The following CFAP61 variants were observed in gnomAD, a reference collection of about 807,000 sequenced individuals.
CFAP61 encodes cilia- and flagella-associated protein 61.
Under a neutral mutation model 135.6 loss-of-function variants are expected in CFAP61, and 107 were observed. The observed-to-expected ratio is 0.79, with a 90% CI of 0.67 to 0.93. The LOEUF (loss-of-function observed/expected upper bound fraction) is 0.93, where lower values mean the gene tolerates loss of function less well. Among genes scored for constraint, CFAP61 ranks in the 40% least tolerant of loss-of-function variants. The pLI, the probability that CFAP61 is intolerant of heterozygous loss-of-function variation, is 0.00. For synonymous variants in CFAP61, 575 were observed against 578.5 expected, an observed-to-expected ratio of 0.99 and a Z score of 0.09; for missense variants, 1,507 against 1,556.2, an observed-to-expected ratio of 0.97 and a Z score of 0.53.
At chr20:20,326,807 C>A (rs539826417) in intron 25 of CFAP61, among the ~76,000 whole-genome samples, 1 of 152,020 alleles carries the variant, frequency 6.6e-6, no homozygotes, top group Non-Finnish European at 1.5e-5. Context: ...CTATTCTTTC[C>A]GAATGTATTA....
intron 22 of CFAP61, among the ~76,000 whole-genome samples, chr20:20,285,852 T>G (rs2054546246): frequency 6.7e-6 from 1 of 148,320 alleles, no homozygotes; most frequent in Non-Finnish European, 1.5e-5. Context: ...ACCCGGGAGG[T>G]CAAGGCTGCA....
chr20:20,341,033 G>C (rs1449010525), intron 25 of CFAP61, among the ~76,000 whole-genome samples: 4 of 152,090 alleles, frequency 2.6e-5, no homozygotes, highest in African/African-American at 9.7e-5. Context: ...GGGGGCACCA[G>C]GTTTTTCCTT....
intron 2 of CFAP61, among the ~76,000 whole-genome samples, chr20:20,069,493 T>C (rs914756040): frequency 6.6e-6 from 1 of 152,180 alleles, no homozygotes; most frequent in Non-Finnish European, 1.5e-5. Context: ...TTGGCCAGGC[T>C]GTCTCAAACT....
rs984164890 is a variant in CFAP61 at position 20,298,469 on chromosome 20, A to T, written c.3422+83A>T. ...GAATGAGGGACATGTGTTGTGATGC[A>T]CCCGAGAGCAAAACGGGAATCCCAG... On this transcript the variant is annotated intron_variant, in intron 25 of 26. Transcript: ENST00000245957. 15 of 1,182,538 alleles carry T rather than the reference A, an allele frequency of 1.3e-5. No homozygotes were observed. In the Admixed American group the frequency reaches 2.2e-4, roughly 18 times the overall value. The allele number at this position is 1,182,538 out of a possible 1,614,324, so 73.3% of individuals were successfully genotyped here. A position where few individuals can be genotyped will look rare whatever the true frequency, so the allele number is the denominator to read the frequency against.
chr20:20,200,157 G>T (rs1009101283), intron 17 of CFAP61, among the ~76,000 whole-genome samples: 10 of 152,240 alleles, frequency 6.6e-5, no homozygotes, highest in African/African-American at 2.4e-4. Context: ...TCAGGCTGCT[G>T]TGTCCCAGGA....
intron 21 of CFAP61, among the ~76,000 whole-genome samples, chr20:20,273,806 C>T (rs555268793): frequency 1.7e-4 from 26 of 152,322 alleles, no homozygotes; most frequent in African/African-American, 4.8e-4. Flanking sequence ...AGGTGGAGAC[C>T]GCCCACAGGC....
chr20:20,294,551 C>A (rs1281628446), intron 24 of CFAP61, among the ~76,000 whole-genome samples: 2 of 152,204 alleles, frequency 1.3e-5, no homozygotes, highest in Non-Finnish European at 2.9e-5. Flanking sequence ...GCCCTCATTT[C>A]TGTAAGGCCC....
chr20:20,127,155 C>T (rs1171399723), intron 8 of CFAP61, among the ~76,000 whole-genome samples: 2 of 151,672 alleles, frequency 1.3e-5, no homozygotes, highest in Non-Finnish European at 2.9e-5. Flanking sequence ...TTGCATTGGG[C>T]TTCGCCTTTC....
chr20:20,234,062 C>T (rs1237732403), intron 18 of CFAP61, among the ~76,000 whole-genome samples: 4 of 152,168 alleles, frequency 2.6e-5, no homozygotes, highest in African/African-American at 7.2e-5. Flanking sequence ...GACATTGGTA[C>T]CTGTCTTGGT....
Position 20,298,247 on chromosome 20 carries a change from A to G in CFAP61, c.3283A>G (p.Lys1095Glu). Residue 1095 changes from lysine (K) to glutamate (E), a missense_variant, in exon 25 of 27, where the codon AAA becomes GAA. Physicochemically the swap from Lys to Glu is moderately conservative, Grantham distance 56. Coordinates refer to ENST00000245957, the MANE Select transcript of CFAP61 (RefSeq NM_015585.4). The part of the protein sequence containing the change: ...TYFRIHINKY[K>E]MVETITCLSR... Reference sequence around the variant, plus strand: ...CTTCCGAATTCATATTAACAAGTATAAAATGGTGGAAACCATCACGTGCCT... The same window carrying G: ...CTTCCGAATTCATATTAACAAGTATGAAATGGTGGAAACCATCACGTGCCT... 1.9e-6 allele frequency: 3 copies of G among 1,614,140 alleles called. No individual in the cohort carries two copies. The highest frequency in any genetic ancestry group is 1.1e-5 in the South Asian group (1 of 91,082).
intron 2 of CFAP61, among the ~76,000 whole-genome samples, chr20:20,063,579 TATAAG>T (rs2044990211): frequency 6.6e-6 from 1 of 152,180 alleles, no homozygotes; most frequent in Non-Finnish European, 1.5e-5. Flanking sequence ...CTAATAAGAA[TATAAG>T]ATGACTCTCA....
intron 25 of CFAP61, among the ~76,000 whole-genome samples, chr20:20,326,214 G>A (rs2057742236): frequency 6.6e-6 from 1 of 151,950 alleles, no homozygotes; most frequent in African/African-American, 2.4e-5. Context: ...TTGTGTATTT[G>A]GTTTACTATT....
At chr20:20,133,487 CAT>C (rs2050694840) in intron 8 of CFAP61, among the ~76,000 whole-genome samples, 1 of 152,152 alleles carries the variant, frequency 6.6e-6, no homozygotes, top group Admixed American at 6.5e-5. Context: ...TGAACTAACA[CAT>C]GCCACTTGTC....
chr20:20,290,165 A>C (rs1372863350), intron 23 of CFAP61, 135 bp from the exon 24 acceptor site: 2 of 652,472 alleles, frequency 3.1e-6, no homozygotes, highest in Admixed American at 5.2e-5. Context: ...CCTTGTTGTT[A>C]GTGGTACTTT....
rs370470080 is a variant in CFAP61 at position 20,175,482 on chromosome 20, T to G, written c.1385+6022T>G. The stretch of plus-strand genomic sequence containing the variant: ...AAGCACTGTAGGGGCTTCTGGTTTT[T>G]TTTTTGTTTTTGTTTTGTTTTGTTT... On this transcript the variant is annotated intron_variant, in intron 13 of 26. Coordinates refer to ENST00000245957, the MANE Select transcript of CFAP61 (RefSeq NM_015585.4). 1.1e-3 allele frequency among the ~76,000 whole-genome samples: 155 copies of G among 144,844 alleles called. 4 individuals carry two copies. In the South Asian group the frequency reaches 0.032, roughly 30 times the overall value.
chr20:20,162,347 C>CA (rs2146804600), intron 10 of CFAP61, among the ~76,000 whole-genome samples: 1 of 152,302 alleles, frequency 6.6e-6, no homozygotes, highest in South Asian at 2.1e-4. Flanking sequence ...GTACCTGTAA[C>CA]ATCTTTGGGG....
At chr20:20,096,920 A>T (rs2047617423) in intron 7 of CFAP61, among the ~76,000 whole-genome samples, 1 of 152,236 alleles carries the variant, frequency 6.6e-6, no homozygotes, top group Non-Finnish European at 1.5e-5. Context: ...GTATCATTTT[A>T]GGGGGCCTGT....
intron 18 of CFAP61, among the ~76,000 whole-genome samples, chr20:20,237,427 GAA>G (rs2049680581): frequency 6.6e-6 from 1 of 151,954 alleles, no homozygotes; most frequent in Non-Finnish European, 1.5e-5. Context: ...GCACCCAAGA[GAA>G]GAGAGAAGTA....
intron 18 of CFAP61, among the ~76,000 whole-genome samples, chr20:20,235,414 A>G (rs1362943531): frequency 5.9e-5 from 9 of 152,014 alleles, no homozygotes; most frequent in Non-Finnish European, 1.2e-4. Flanking sequence ...CTCCTGCATC[A>G]GAAACACTCT....
Sources: gnomAD v4.1 joint callset for allele counts (sites outside exome capture counted in the v4.1 genomes callset) on GRCh38, gnomAD v4.1.1 for gene constraint, MANE v1.5 for transcripts, NCBI Gene and HGNC (gene_info 2026-07-23, HGNC 2026-07-21) for gene names.